The following ZMIZ1 variants were observed in gnomAD, a reference collection of about 807,000 sequenced individuals.
ZMIZ1 encodes the protein zinc finger MIZ-type containing 1, also known as zinc finger MIZ domain-containing protein 1.
Under a neutral mutation model 113.9 loss-of-function variants are expected in ZMIZ1, and 17 were observed. The observed-to-expected ratio is 0.15, with a 90% CI of 0.10 to 0.22. The LOEUF is 0.22. Among genes scored for constraint, ZMIZ1 ranks in the 10% least tolerant of loss-of-function variants. The probability of loss-of-function intolerance (pLI) is 1.00; values close to 1 mark genes in which losing one functional copy is unlikely to be tolerated. For synonymous variants in ZMIZ1, 607 were observed against 603.1 expected (o/e 1.01, Z -0.09); for missense variants, 1,059 against 1,477.8 (o/e 0.72, Z 4.65).
chr10:79,300,707 C>T (rs769576261), intron 16 of ZMIZ1, 25 bp from the exon 17 acceptor site: 7 of 1,609,666 alleles, frequency 4.3e-6, no homozygotes, highest in South Asian at 1.1e-5. Context: ...CAGAGCTGCC[C>T]TGAGCACCCT....
chr10:79,201,574 C>T lies in ZMIZ1; in HGVS notation c.-49-10C>T. 3.1e-6 allele frequency: 5 copies of T among 1,598,866 alleles called. No homozygotes were observed. The highest frequency in any genetic ancestry group is 4.3e-6 in the Non-Finnish European group (5 of 1,169,372). ...GTGATCCAGTGACAACCTCTCCTTTCTCTTCGCAGGCTGGACAACGTTCAT... is the reference window on the plus strand; with the variant it reads ...GTGATCCAGTGACAACCTCTCCTTTTTCTTCGCAGGCTGGACAACGTTCAT... On this transcript the variant is annotated splice_polypyrimidine_tract_variant and intron_variant, in intron 4 of 24. Coordinates refer to ENST00000334512, the MANE Select transcript of ZMIZ1 (RefSeq NM_020338.4).
chr10:79,187,688 T>C (rs1847404968), intron 4 of ZMIZ1, among the ~76,000 whole-genome samples: 1 of 152,208 alleles, frequency 6.6e-6, no homozygotes, highest in African/African-American at 2.4e-5. Context: ...GTATGCATGC[T>C]GGCATGCTTG....
At chr10:79,172,398 C>A (rs1239664038) in intron 4 of ZMIZ1, among the ~76,000 whole-genome samples, 1 of 152,134 alleles carries the variant, frequency 6.6e-6, no homozygotes, top group African/African-American at 2.4e-5. Context: ...GAGCAGAGGA[C>A]AGGCCAGCTA....
At chr10:79,297,804 G>A in intron 14 of ZMIZ1, 114 bp downstream of exon 14, 1 of 877,528 alleles carries the variant, frequency 1.1e-6, no homozygotes, top group Non-Finnish European at 1.8e-6. Context: ...ATGGGTGGGG[G>A]TGCACTCCCT....
intron 1 of ZMIZ1, among the ~76,000 whole-genome samples, chr10:79,109,964 C>G (rs1335144373): frequency 6.6e-6 from 1 of 152,232 alleles, no homozygotes; most frequent in Middle Eastern, 3.2e-3. Context: ...TTTTGAAGGT[C>G]AGATGAGAAA....
In ZMIZ1 at chr10:79,306,166, C is replaced by G. The variant is rs1322585899; in HGVS notation, c.2490C>G (p.Asp830Glu). The change falls in exon 22 of 25, where the codon GAC (aspartate) becomes GAG (glutamate). Residue 830 changes from aspartate to glutamate, a missense_variant. By Grantham distance (45) the Asp-to-Glu change is conservative (BLOSUM62 2). Transcript: ENST00000334512. ...CSWRPVPIKSDLHIKDDPDGI... is the reference protein window; with the variant it reads ...CSWRPVPIKSELHIKDDPDGI... ...GGCGGCCGGTGCCCATCAAGTCGGA[C>G]TTACACATCAAGGACGACCCTGATG... 1.2e-6 allele frequency: 2 copies of G among 1,614,106 alleles called. No individual in the cohort carries two copies. Among genetic ancestry groups the G allele is most frequent in the Admixed American group, 3.3e-5 (2 of 60,028 alleles).
chr10:79,207,903 A>G (rs1848387873), intron 5 of ZMIZ1, among the ~76,000 whole-genome samples: 1 of 151,682 alleles, frequency 6.6e-6, no homozygotes, highest in South Asian at 2.1e-4. Flanking sequence ...TGGATCAGGG[A>G]GGGAGAACTC....
intron 2 of ZMIZ1, among the ~76,000 whole-genome samples, chr10:79,133,118 G>C (rs1844844067): frequency 6.6e-6 from 1 of 152,174 alleles, no homozygotes; most frequent in South Asian, 2.1e-4. Context: ...GACCCTGCTT[G>C]CTTCTCCAGC....
rs901505202 is a variant in ZMIZ1, at chr10:79,265,175, G to T, written c.281-12006G>T. Among the ~76,000 whole-genome samples the T allele has an allele frequency of 3.3e-5, 5 of 152,296 alleles. No individual in the cohort carries two copies. The South Asian group carries it at 6.2e-4, about 19-fold the overall frequency. The stretch of plus-strand genomic sequence containing the variant: ...GGGCAGCCCTTGGGGAGAGGGGGCG[G>T]GCGTGCGAGGAGTGTTCCTAGAGGG... On this transcript the variant is annotated intron_variant, in intron 7 of 24. Transcript: ENST00000334512.
chr10:79,086,507 T>G (rs1486693446), intron 1 of ZMIZ1, among the ~76,000 whole-genome samples: 1 of 152,218 alleles, frequency 6.6e-6, no homozygotes, highest in Non-Finnish European at 1.5e-5. Context: ...TCCTTTTTAT[T>G]TTTATTACTT....
At chr10:79,276,938 G>T (rs966429765) in intron 7 of ZMIZ1, among the ~76,000 whole-genome samples, 2 of 152,022 alleles carry the variant, frequency 1.3e-5, no homozygotes, top group Non-Finnish European at 2.9e-5. Flanking sequence ...TCCTGCACGC[G>T]GGCCATTCTG....
chr10:79,305,726 C>A (rs948229600), intron 21 of ZMIZ1, 125 bp downstream of exon 21: 4 of 974,924 alleles, frequency 4.1e-6, no homozygotes, highest in Non-Finnish European at 6.4e-6. Context: ...TGACCCACAT[C>A]CCCCACCTCT....
At chr10:79,079,387 C>A (rs928560219) in intron 1 of ZMIZ1, among the ~76,000 whole-genome samples, 5 of 152,234 alleles carry the variant, frequency 3.3e-5, no homozygotes, top group African/African-American at 1.2e-4. Flanking sequence ...AATGTGGACA[C>A]CTGGAAACAG....
chr10:79,245,676 C>T (rs181825414), intron 7 of ZMIZ1, among the ~76,000 whole-genome samples: 48 of 152,262 alleles, frequency 3.2e-4, no homozygotes, highest in African/African-American at 1.1e-3. Flanking sequence ...AGAGGTTCTG[C>T]GGAAGTCCTG....
chr10:79,217,620 G>C (rs1198037719), intron 7 of ZMIZ1, among the ~76,000 whole-genome samples: 1 of 152,184 alleles, frequency 6.6e-6, no homozygotes, highest in Non-Finnish European at 1.5e-5. Context: ...CAGCCTTCAT[G>C]AAAACGTTGT....
intron 1 of ZMIZ1, among the ~76,000 whole-genome samples, chr10:79,098,337 G>T (rs1251304703): frequency 6.6e-6 from 1 of 152,146 alleles, no homozygotes; most frequent in Non-Finnish European, 1.5e-5. Flanking sequence ...TAGTGTGGTG[G>T]TTAGCACAAG....
chr10:79,293,941 C>A, intron 12 of ZMIZ1: 1 of 544,958 alleles, frequency 1.8e-6, no homozygotes, highest in Non-Finnish European at 3.3e-6. Flanking sequence ...ACTCAGCAAG[C>A]AGCAGTTCCT....
rs1443882123 is a variant in ZMIZ1 at position 79,315,575 on chromosome 10, ATCT to A, written c.*2831_*2833del. On this transcript the variant is annotated 3_prime_UTR_variant, in exon 25 of 25. Transcript: ENST00000334512. ...GGGCCAAGTACAGGCAATCACCCCC[ATCT>A]TCTTGGTTTGAAGCTTTATCCATGT... 3 of 152,718 alleles carry A rather than the reference ATCT, an allele frequency of 2.0e-5. No homozygotes were observed. The highest frequency in any genetic ancestry group is 1.3e-4 in the Admixed American group (2 of 15,286). The allele number at this position is 152,718 out of a possible 1,614,324, so 9.5% of individuals were successfully genotyped here.
intron 7 of ZMIZ1, among the ~76,000 whole-genome samples, chr10:79,219,207 G>A (rs1160367613): frequency 1.3e-5 from 2 of 152,198 alleles, no homozygotes; most frequent in African/African-American, 2.4e-5. Context: ...GAGACCTGGA[G>A]AATGGGCTGT....
Sources: allele counts gnomAD v4.1 joint callset (sites outside exome capture counted in the v4.1 genomes callset), GRCh38; gene constraint gnomAD v4.1.1; transcripts MANE v1.5; gene names NCBI Gene and HGNC (gene_info 2026-07-23, HGNC 2026-07-21).